The following YJU2 variants were observed in gnomAD, a reference collection of about 807,000 sequenced individuals.
YJU2 encodes YJU2 splicing factor homolog, also known as splicing factor YJU2.
In YJU2, 28 loss-of-function variants were observed where a neutral mutation model predicts 39.6. The ratio of observed to expected loss-of-function variants is 0.71; its 90% CI spans 0.52 to 0.97. YJU2 has a LOEUF of 0.97. YJU2 is among the 50% of genes least tolerant of loss of function. The pLI is 0.00. For synonymous variants in YJU2, 184 were observed against 182.4 expected (o/e 1.01, Z -0.07); for missense variants, 328 against 430.4 (o/e 0.76, Z 2.11).
At position 4,258,384 on chromosome 19, in the gene YJU2, G is replaced by A. The variant is rs747734244; in HGVS notation, c.548G>A (p.Arg183Gln). Reference sequence around the variant, plus strand: ...CAGCACCGCCTGTCGGAGGAGGAGCGGCGGAGGCAGCAGCAGGAGGAGGAC... The same window carrying A: ...CAGCACCGCCTGTCGGAGGAGGAGCAGCGGAGGCAGCAGCAGGAGGAGGAC... Reference protein sequence around the residue: ...LRQHRLSEEERRRQQQEEDEQ... With the variant: ...LRQHRLSEEEQRRQQQEEDEQ... Residue 183 changes from arginine (R) to glutamine (Q), a missense_variant, in exon 5 of 8, where the codon CGG becomes CAG. By Grantham distance (43) the Arg-to-Gln change is conservative. Transcript: ENST00000262962. 29 of 1,597,268 alleles carry A rather than the reference G, an allele frequency of 1.8e-5. No homozygotes were observed. In the Admixed American group the frequency reaches 2.8e-4, roughly 15 times the overall value.
At position 4,258,396 on chromosome 19, in the gene YJU2, A is replaced by G. The variant is rs774833921; in HGVS notation, c.560A>G (p.Gln187Arg). ...RLSEEERRRQ[Q>R]QEEDEQETAA... is the part of the protein sequence containing the mutation. ...TCGGAGGAGGAGCGGCGGAGGCAGC[A>G]GCAGGAGGAGGACGAGCAGGAGACC... is the stretch of plus-strand genomic sequence containing the variant. The change falls in exon 5 of 8, where the codon CAG becomes CGG. Residue 187 changes from glutamine (Q) to arginine (R), a missense_variant. By Grantham distance (43) the Gln-to-Arg change is conservative. Coordinates refer to ENST00000262962, the MANE Select transcript of YJU2 (RefSeq NM_018074.6). The G allele has an allele frequency of 1.2e-5, 19 of 1,595,716 alleles. 1 individual carries two copies. The South Asian group carries it at 1.5e-4, about 12-fold the overall frequency.
chr19:4,247,918 G>A (rs1970944603), intron 1 of YJU2: 1 of 152,144 alleles, frequency 6.6e-6, no homozygotes, highest in Admixed American at 6.6e-5. Context: ...CCAGGCTGGA[G>A]TGCAGTGGCA....
At chr19:4,268,199 C>T (rs886924097) in intron 7 of YJU2, among the ~76,000 whole-genome samples, 3 of 152,138 alleles carry the variant, frequency 2.0e-5, no homozygotes, top group Non-Finnish European at 4.4e-5. Flanking sequence ...CTCACCTCGG[C>T]CTCCCAAAAT....
In YJU2 at chr19:4,249,376, G is replaced by A. The variant is rs777968295; in HGVS notation, c.125+48G>A. 1.2e-5 allele frequency: 15 copies of A among 1,216,670 alleles called. No homozygotes were observed. The African/African-American group carries it at 1.3e-4, about 11-fold the overall frequency. The allele number at this position is 1,216,670 out of a possible 1,614,324, so 75.4% of individuals were successfully genotyped here. Reference sequence around the variant, plus strand: ...CACACACCAGTCATGGCTGAAGGACGCAGTGCCTGGCATCCACAGAGGTGA... The same window carrying A: ...CACACACCAGTCATGGCTGAAGGACACAGTGCCTGGCATCCACAGAGGTGA... On this transcript the variant is annotated intron_variant, in intron 2 of 7. Transcript: ENST00000262962.
At chr19:4,248,956 CT>C (rs1258250835) in intron 1 of YJU2, among the ~76,000 whole-genome samples, 1 of 152,094 alleles carries the variant, frequency 6.6e-6, no homozygotes. Flanking sequence ...CTTTTTAGAG[CT>C]TCCCGTGTAG....
At chr19:4,253,427 A>G (rs1202638797) in intron 3 of YJU2, among the ~76,000 whole-genome samples, 1 of 152,072 alleles carries the variant, frequency 6.6e-6, no homozygotes, top group Non-Finnish European at 1.5e-5. Context: ...AAAGAAATTT[A>G]AAAATTAGCC....
intron 6 of YJU2, among the ~76,000 whole-genome samples, chr19:4,266,753 G>GGGAGGATCGCTTGAGCCA (rs1479283990): frequency 2.0e-5 from 3 of 152,174 alleles, no homozygotes; most frequent in African/African-American, 7.2e-5. Flanking sequence ...ACGCTGAGAC[G>GGGAGGATCGCTTGAGCCA]GGAGGATCGC....
chr19:4,251,175 G>C lies in YJU2; in HGVS notation c.270+4G>C. ...CCTGGCAGAGATCACCTTCAAGGTA[G>C]GTGAGACGGCCGGCCAGGCCGGTCC... On this transcript the variant is annotated splice_donor_region_variant and intron_variant, in intron 3 of 7. Coordinates refer to ENST00000262962, the MANE Select transcript of YJU2 (RefSeq NM_018074.6). 6.2e-7 allele frequency: 1 copy of C among 1,612,770 alleles called. No homozygotes were observed. Among genetic ancestry groups the C allele is most frequent in the Non-Finnish European group, 8.5e-7 (1 of 1,179,226 alleles).
intron 1 of YJU2, among the ~76,000 whole-genome samples, chr19:4,247,832 A>T (rs995851167): frequency 1.1e-4 from 17 of 151,842 alleles, no homozygotes; most frequent in African/African-American, 4.1e-4. Context: ...GAAGAAAAGC[A>T]GAGGTTCAGT....
chr19:4,249,517 C>T (rs1470867795), intron 2 of YJU2, among the ~76,000 whole-genome samples, 189 bp downstream of exon 2: 9 of 152,050 alleles, frequency 5.9e-5, no homozygotes, highest in African/African-American at 2.2e-4. Flanking sequence ...TCTTTTAGAG[C>T]CCTCCAGCCA....
chr19:4,258,066 T>G (rs532620726), intron 4 of YJU2, among the ~76,000 whole-genome samples, 176 bp from the exon 5 acceptor site: 2 of 152,252 alleles, frequency 1.3e-5, no homozygotes, highest in South Asian at 4.1e-4. Flanking sequence ...CAGACCTGAG[T>G]GTTCTCACCT....
intron 3 of YJU2, among the ~76,000 whole-genome samples, chr19:4,252,306 A>T (rs1378508612): frequency 6.7e-6 from 1 of 149,948 alleles, no homozygotes; most frequent in Non-Finnish European, 1.5e-5. Flanking sequence ...CTAAAAAAAA[A>T]TACAAAAATA....
chr19:4,259,509 A>G (rs4806976), intron 5 of YJU2, among the ~76,000 whole-genome samples: 71,464 of 151,612 alleles, frequency 0.47, 17,130 homozygotes, highest in South Asian at 0.54. Flanking sequence ...CCTTCTGGGT[A>G]GCTGGGACCA....
intron 1 of YJU2, 107 bp from the exon 2 acceptor site, chr19:4,249,121 G>A (rs1415357688): frequency 4.4e-6 from 3 of 683,642 alleles, no homozygotes; most frequent in African/African-American, 3.6e-5. Flanking sequence ...GGAACCTGGG[G>A]TGGGCTTGGG....
chr19:4,251,503 A>G (rs571534085), intron 3 of YJU2, among the ~76,000 whole-genome samples: 146 of 152,246 alleles, frequency 9.6e-4, no homozygotes, highest in Middle Eastern at 6.8e-3. Flanking sequence ...ACCCTAGCCA[A>G]CATGGCGAAA....
intron 3 of YJU2, among the ~76,000 whole-genome samples, chr19:4,251,441 C>A (rs113400061): frequency 0.058 from 8,803 of 152,204 alleles, 489 homozygotes; most frequent in South Asian, 0.29. Flanking sequence ...GTACTCCCAG[C>A]ACTTTGGGCG....
chr19:4,267,814 T>C, intron 7 of YJU2, 40 bp downstream of exon 7: 1 of 1,561,068 alleles, frequency 6.4e-7, no homozygotes, highest in Non-Finnish European at 8.7e-7. Flanking sequence ...GCGGTTTCTA[T>C]AGTGGCCTGT....
chr19:4,257,535 GCA>G (rs1971031062), intron 4 of YJU2, among the ~76,000 whole-genome samples: 1 of 151,722 alleles, frequency 6.6e-6, no homozygotes, highest in Non-Finnish European at 1.5e-5. Context: ...GTCCAGTGGT[GCA>G]ATCTTGGTTC....
chr19:4,256,180 AAATAT>A (rs1487760364), intron 4 of YJU2, among the ~76,000 whole-genome samples: 13 of 106,526 alleles, frequency 1.2e-4, no homozygotes, highest in African/African-American at 5.9e-4. Flanking sequence ...AAAAAAAAAA[AAATAT>A]ATATATATAT....
Sources: gnomAD v4.1 joint callset for allele counts (sites outside exome capture counted in the v4.1 genomes callset) on GRCh38, gnomAD v4.1.1 for gene constraint, MANE v1.5 for transcripts, NCBI Gene and HGNC (gene_info 2026-07-23, HGNC 2026-07-21) for gene names.